HDLBP: variants seen among roughly 807,000 people sequenced by gnomAD.
HDLBP encodes the protein high density lipoprotein binding protein.
A neutral mutation model predicts 137.3 loss-of-function variants in HDLBP; 30 were observed. That is an observed-to-expected ratio of 0.22 (90% CI 0.16 to 0.30). The LOEUF (loss-of-function observed/expected upper bound fraction) is 0.30, where lower values mean the gene tolerates loss of function less well. HDLBP is among the 10% of genes least tolerant of loss of function. The pLI is 1.00. For missense variants in HDLBP, 1,119 were observed against 1,667.3 expected (o/e 0.67, Z 5.73); for synonymous variants, 606 against 596.0 (o/e 1.02, Z -0.24).
Position 241,236,773 on chromosome 2 carries a change from G to C in HDLBP, c.2750-4C>G, listed in dbSNP as rs2305071. 0.11 allele frequency: 175,134 copies of C among 1,612,712 alleles called. 10,299 individuals are homozygous for C. The highest frequency in any genetic ancestry group is 0.16 in the Middle Eastern group (989 of 6,052). ...ACAACTGGCTCTGTACTGTGAACTAGAGAGAAAGGGGAAAAGGGACAGCTG... is the reference window on the plus strand; with the variant it reads ...ACAACTGGCTCTGTACTGTGAACTACAGAGAAAGGGGAAAAGGGACAGCTG... On this transcript the variant is annotated splice_polypyrimidine_tract_variant and splice_region_variant and intron_variant, in intron 20 of 27. Coordinates refer to ENST00000310931, the MANE Select transcript of HDLBP (RefSeq NM_005336.6).
chr2:241,242,000 A>C (rs1036546795), intron 17 of HDLBP, among the ~76,000 whole-genome samples: 2 of 152,198 alleles, frequency 1.3e-5, no homozygotes, highest in Admixed American at 1.3e-4. Flanking sequence ...GGCTCACACT[A>C]CTGATTTCCA....
chr2:241,299,433 C>T (rs907506805), intron 1 of HDLBP, among the ~76,000 whole-genome samples: 2 of 138,806 alleles, frequency 1.4e-5, no homozygotes, highest in African/African-American at 5.4e-5. Flanking sequence ...AGGAGAATCA[C>T]TACTTGAACC....
chr2:241,257,706 T>C lies in HDLBP; in HGVS notation c.451-900A>G, dbSNP rs567232506. Among the ~76,000 whole-genome samples, 130 of 152,252 alleles carry C rather than the reference T, an allele frequency of 8.5e-4. 3 individuals are homozygous for C. In the South Asian group the frequency reaches 0.026, roughly 30 times the overall value. ...ATCCCAATTAACTTTAAAATATTAATACAATTTCAAACAGTTGATTATAAA... is the reference window on the plus strand; with the variant it reads ...ATCCCAATTAACTTTAAAATATTAACACAATTTCAAACAGTTGATTATAAA... On this transcript the variant is annotated intron_variant, in intron 5 of 27. Transcript: ENST00000310931.
intron 1 of HDLBP, among the ~76,000 whole-genome samples, chr2:241,302,133 T>C (rs1321844279): frequency 6.6e-6 from 1 of 151,226 alleles, no homozygotes; most frequent in Non-Finnish European, 1.5e-5. Flanking sequence ...GTGCCTGTAG[T>C]ATGCTTCCCA....
rs1173341694 is a variant in HDLBP at position 241,272,535 on chromosome 2, A to G, written c.-102-3994T>C. On this transcript the variant is annotated intron_variant, in intron 1 of 27. Coordinates refer to ENST00000310931, the MANE Select transcript of HDLBP (RefSeq NM_005336.6). The surrounding 1 kb of genome is among the most constrained non-coding windows in gnomAD (Gnocchi z 5.6). ...TCCGCGCCACGGCCACGCGCAGAAG[A>G]GACTCGGAGCCGGCCCCAGGTCTGG... The G allele has an allele frequency of 2.0e-6, 2 of 984,358 alleles. No individual in the cohort carries two copies. The highest frequency in any genetic ancestry group is 2.4e-6 in the Non-Finnish European group (2 of 829,620). The allele number at this position is 984,358 out of a possible 1,614,324, so 61.0% of individuals were successfully genotyped here.
chr2:241,267,969 G>T (rs1461520849), intron 2 of HDLBP: 1 of 983,888 alleles, frequency 1.0e-6, no homozygotes, highest in East Asian at 1.1e-4. Flanking sequence ...TTCTGAGGTA[G>T]GAATGTTAGC....
chr2:241,297,507 G>A (rs887236336), intron 1 of HDLBP, among the ~76,000 whole-genome samples: 1 of 152,154 alleles, frequency 6.6e-6, no homozygotes. Flanking sequence ...AAATACACAC[G>A]CATGTAGCTG....
At chr2:241,270,463 T>C (rs1342864856) in intron 1 of HDLBP, among the ~76,000 whole-genome samples, 1 of 152,160 alleles carries the variant, frequency 6.6e-6, no homozygotes, top group Non-Finnish European at 1.5e-5. Flanking sequence ...CAACATTTTG[T>C]TTTTCTTCTA....
intron 1 of HDLBP, among the ~76,000 whole-genome samples, chr2:241,284,867 T>A (rs2074745397): frequency 6.6e-6 from 1 of 152,206 alleles, no homozygotes; most frequent in African/African-American, 2.4e-5. Flanking sequence ...GAGCATTTTT[T>A]AACCAATATT....
Position 241,271,851 on chromosome 2 carries a change from T to C in HDLBP, c.-102-3310A>G, listed in dbSNP as rs965464452. ...CCTGATCCACTCAGAGATCACAAGA[T>C]CGAAATCTAGGAGAGACCACAGGCG... is the stretch of plus-strand genomic sequence containing the variant. On this transcript the variant is annotated intron_variant, in intron 1 of 27. Transcript: ENST00000310931. The C allele has an allele frequency of 3.3e-5, 5 of 152,164 alleles. No individual in the cohort carries two copies. The East Asian group carries it at 7.7e-4, about 24-fold the overall frequency. The allele number at this position is 152,164 out of a possible 1,614,324, so 9.4% of individuals were successfully genotyped here. A position where few individuals can be genotyped will look rare whatever the true frequency, so the allele number is the denominator to read the frequency against.
intron 1 of HDLBP, among the ~76,000 whole-genome samples, chr2:241,301,504 G>GT (rs979807718): frequency 2.6e-5 from 4 of 152,126 alleles, no homozygotes; most frequent in African/African-American, 9.7e-5. Flanking sequence ...ATGATGCAGT[G>GT]TATTTCATTT....
intron 1 of HDLBP, among the ~76,000 whole-genome samples, chr2:241,308,054 C>T (rs1046834015): frequency 2.0e-5 from 3 of 152,208 alleles, no homozygotes; most frequent in African/African-American, 7.2e-5. Context: ...TAGTTACACT[C>T]ACAACACCTG....
At position 241,307,909 on chromosome 2, in the gene HDLBP, G is replaced by A. The variant is rs545439005; in HGVS notation, c.-103+7661C>T. Among the ~76,000 whole-genome samples, 3 of 151,478 alleles carry A rather than the reference G, an allele frequency of 2.0e-5. No homozygotes were observed. In the East Asian group the frequency reaches 5.8e-4, roughly 29 times the overall value. On this transcript the variant is annotated intron_variant, in intron 1 of 27. Coordinates refer to ENST00000310931, the MANE Select transcript of HDLBP (RefSeq NM_005336.6). The stretch of plus-strand genomic sequence containing the variant: ...TTTTTTGCGATTATAAACAATGCTG[G>A]AAAGAACATCCTCTGCTCACTTGGG...
intron 24 of HDLBP, among the ~76,000 whole-genome samples, chr2:241,232,146 G>C (rs2069838226): frequency 6.6e-6 from 1 of 152,212 alleles, no homozygotes. Context: ...CCACCCGCGT[G>C]CTGCCAGGTA....
Position 241,264,091 on chromosome 2 carries a change from C to T in HDLBP, c.234+357G>A, listed in dbSNP as rs138570615. ...AAAAATTTAAAAAACTGGCCGGGCG[C>T]GGTGGCTCATGCCTATAATCCCAGC... On this transcript the variant is annotated intron_variant, in intron 4 of 27. Coordinates refer to ENST00000310931, the MANE Select transcript of HDLBP (RefSeq NM_005336.6). Among the ~76,000 whole-genome samples, 528 of 138,318 alleles carry T rather than the reference C, an allele frequency of 3.8e-3. 2 individuals carry two copies. Among genetic ancestry groups the T allele is most frequent in the Middle Eastern group, 0.036 (9 of 252 alleles). The allele number at this position is 138,318 out of a possible 152,430, so 90.7% of individuals were successfully genotyped here.
At chr2:241,236,870 T>G (rs945906166) in intron 20 of HDLBP, 101 bp from the exon 21 acceptor site, 455 of 1,289,732 alleles carry the variant, frequency 3.5e-4, no homozygotes, top group Non-Finnish European at 4.7e-4. Context: ...GGGTGCTGGG[T>G]GGTAAAAGGG....
intron 1 of HDLBP, among the ~76,000 whole-genome samples, chr2:241,300,020 G>A (rs1393582845): frequency 1.3e-5 from 2 of 152,146 alleles, no homozygotes; most frequent in African/African-American, 4.8e-5. Flanking sequence ...ATATTGTCAC[G>A]ATTCTAAAGT....
intron 1 of HDLBP, among the ~76,000 whole-genome samples, chr2:241,287,491 G>A (rs1271946865): frequency 6.7e-6 from 1 of 149,984 alleles, no homozygotes; most frequent in East Asian, 2.0e-4. Flanking sequence ...CACAATCGCA[G>A]CTCACTGCAA....
In HDLBP at chr2:241,230,213, C is replaced by T. The variant is rs144621012; in HGVS notation, c.3531G>A (p.Thr1177=). The T allele has an allele frequency of 3.9e-4, 622 of 1,613,234 alleles. 1 individual carries two copies. The highest frequency in any genetic ancestry group is 4.9e-4 in the Non-Finnish European group (580 of 1,179,508). ...GAPDPNCVTV[T]GLPENVEEAI... ...CTTCCTCCACATTCTCTGGGAGCCCCGTCACAGTGACGCAGTTGGGGTCTG... is the reference window on the plus strand; with the variant it reads ...CTTCCTCCACATTCTCTGGGAGCCCTGTCACAGTGACGCAGTTGGGGTCTG... Residue 1177 remains threonine, a synonymous_variant, in exon 26 of 28, where the codon ACG becomes ACA. Coordinates refer to ENST00000310931, the MANE Select transcript of HDLBP (RefSeq NM_005336.6). The surrounding 1 kb of genome is among the most constrained non-coding windows in gnomAD (Gnocchi z 5.0).
Sources: gnomAD v4.1 joint callset for allele counts (sites outside exome capture counted in the v4.1 genomes callset) on GRCh38, gnomAD v4.1.1 for gene constraint, Gnocchi (gnomAD v3.1) non-coding constraint, MANE v1.5 for transcripts, NCBI Gene and HGNC (gene_info 2026-07-23, HGNC 2026-07-21) for gene names.